Variants in DIS3L2 observed in about 807,000 individuals in gnomAD.
DIS3L2 encodes the protein DIS3-like exonuclease 2.
In DIS3L2, 34 loss-of-function variants were observed where a neutral mutation model predicts 97.5. That is an observed-to-expected ratio of 0.35 (90% CI 0.27 to 0.46). DIS3L2 has a LOEUF of 0.46. Ranked by LOEUF, DIS3L2 falls within the 20% of genes least tolerant of loss-of-function variation. The pLI is 1.00. For synonymous variants in DIS3L2, 435 were observed against 445.2 expected, an observed-to-expected ratio of 0.98 and a Z score of 0.29; for missense variants, 1,038 against 1,146.0, an observed-to-expected ratio of 0.91 and a Z score of 1.36.
chr2:232,280,230 G>T (rs1183138412), intron 13 of DIS3L2, among the ~76,000 whole-genome samples: 1 of 152,172 alleles, frequency 6.6e-6, no homozygotes, highest in Non-Finnish European at 1.5e-5. Flanking sequence ...TAGGAGCCTT[G>T]CCAGGCATGA....
chr2:232,001,642 A>G (rs552494455), intron 1 of DIS3L2, among the ~76,000 whole-genome samples: 31 of 131,560 alleles, frequency 2.4e-4, no homozygotes, highest in Non-Finnish European at 3.9e-4. Flanking sequence ...GATCAATGTC[A>G]TGGAACTTTA....
rs1223542778 is a variant in DIS3L2 at position 232,163,556 on chromosome 2, G to A, written c.1048G>A (p.Glu350Lys). ...YGVDFSDFSS[E>K]VLECLPQGLP... is the part of the protein sequence containing the mutation. ...CGTGGATTTCTCTGATTTCTCTTCA[G>A]AAGTTCTAGAATGTCTTCCTCAAGG... Residue 350 changes from glutamate (E) to lysine (K), a missense_variant, in exon 9 of 21, where the codon GAA (glutamate) becomes AAA (lysine). Glu to Lys is a moderately conservative substitution (Grantham distance 56). Coordinates refer to ENST00000325385, the MANE Select transcript of DIS3L2 (RefSeq NM_152383.5). The A allele has an allele frequency of 1.2e-6, 2 of 1,614,030 alleles. No individual in the cohort carries two copies. Among genetic ancestry groups the A allele is most frequent in the African/African-American group, 2.7e-5 (2 of 74,924 alleles).
intron 10 of DIS3L2, among the ~76,000 whole-genome samples, chr2:232,216,609 C>A (rs549547875): frequency 6.6e-6 from 1 of 152,106 alleles, no homozygotes; most frequent in African/African-American, 2.4e-5. Context: ...CACCACTCAT[C>A]ACTTGCTAAC....
chr2:232,095,182 T>C (rs1696970121), intron 6 of DIS3L2, among the ~76,000 whole-genome samples: 1 of 152,220 alleles, frequency 6.6e-6, no homozygotes, highest in South Asian at 2.1e-4. Flanking sequence ...AAGGACTTAC[T>C]CCTGCCATTT....
intron 8 of DIS3L2, among the ~76,000 whole-genome samples, chr2:232,163,036 A>T (rs1690698636): frequency 6.6e-6 from 1 of 152,210 alleles, no homozygotes; most frequent in Admixed American, 6.5e-5. Flanking sequence ...AATTTTAAAG[A>T]TTAAAAACTG....
intron 13 of DIS3L2, among the ~76,000 whole-genome samples, chr2:232,278,551 T>C (rs1274444427): frequency 6.6e-6 from 1 of 152,192 alleles, no homozygotes; most frequent in Non-Finnish European, 1.5e-5. Context: ...GTCACACAAA[T>C]GGAATCATTC....
At chr2:232,010,065 C>T (rs187904393) in intron 1 of DIS3L2, among the ~76,000 whole-genome samples, 1 of 152,286 alleles carries the variant, frequency 6.6e-6, no homozygotes, top group African/African-American at 2.4e-5. Flanking sequence ...ATAGGAGCCC[C>T]AGGCTAAAAC....
intron 14 of DIS3L2, among the ~76,000 whole-genome samples, chr2:232,314,283 T>C (rs1394199381): frequency 6.6e-6 from 1 of 152,104 alleles, no homozygotes; most frequent in African/African-American, 2.4e-5. Flanking sequence ...CTGCTCAGGT[T>C]GCAAGGTAGA....
chr2:232,175,165 G>T (rs1343819536), intron 9 of DIS3L2, among the ~76,000 whole-genome samples: 2 of 152,100 alleles, frequency 1.3e-5, no homozygotes, highest in African/African-American at 2.4e-5. Flanking sequence ...AGCTTTGGGG[G>T]TTTTGTAGAT....
chr2:232,238,774 T>G, intron 11 of DIS3L2, 129 bp downstream of exon 11: 2 of 775,314 alleles, frequency 2.6e-6, no homozygotes, highest in Non-Finnish European at 2.1e-6. Flanking sequence ...GGTGTTCATC[T>G]GAGGCCTCAT....
intron 6 of DIS3L2, among the ~76,000 whole-genome samples, chr2:232,112,051 A>G (rs1280819655): frequency 6.6e-6 from 1 of 152,220 alleles, no homozygotes; most frequent in African/African-American, 2.4e-5. Flanking sequence ...CATTTCAGCC[A>G]AGAGCAACTA....
chr2:232,336,144 C>T, intron 20 of DIS3L2: 1 of 1,535,320 alleles, frequency 6.5e-7, no homozygotes, highest in Non-Finnish European at 8.8e-7. Context: ...CTTCTAGGGT[C>T]CTTTAGAGAA....
At chr2:232,256,468 T>C (rs561098126) in intron 12 of DIS3L2, among the ~76,000 whole-genome samples, 6 of 152,382 alleles carry the variant, frequency 3.9e-5, no homozygotes, top group Non-Finnish European at 5.9e-5. Context: ...ATTCTGAGAA[T>C]TGGACATTGT....
At chr2:232,261,426 A>C (rs766381551) in intron 12 of DIS3L2, among the ~76,000 whole-genome samples, 1 of 152,102 alleles carries the variant, frequency 6.6e-6, no homozygotes, top group Non-Finnish European at 1.5e-5. Context: ...CACTGGTTGC[A>C]TTGCCTCCGC....
In DIS3L2 at chr2:232,143,533, T is replaced by C. The variant is rs140539520; in HGVS notation, c.950+6814T>C. Among the ~76,000 whole-genome samples, 477 of 152,266 alleles carry C rather than the reference T, an allele frequency of 3.1e-3. 3 individuals are homozygous for C. The highest frequency in any genetic ancestry group is 4.7e-3 in the Non-Finnish European group (318 of 67,996). On this transcript the variant is annotated intron_variant, in intron 8 of 20. Transcript: ENST00000325385. ...TTTATTTTTTCCAAATACATACATA[T>C]TGAATATTTACTGTTAAATTTATTC...
rs1273861008 is a variant in DIS3L2, at chr2:232,021,354, G to A, written c.211-2923G>A. ...TGGTGACAATGTGGTCACAGCTTTG[G>A]GCTGGAGATCTTAGTGAAATCGAAG... On this transcript the variant is annotated intron_variant, in intron 3 of 20. Transcript: ENST00000325385. Among the ~76,000 whole-genome samples, 3 of 152,168 alleles carry A rather than the reference G, an allele frequency of 2.0e-5. 1 individual carries two copies. Among genetic ancestry groups the A allele is most frequent in the African/African-American group, 7.2e-5 (3 of 41,440 alleles).
chr2:232,266,443 A>G (rs1462897054), intron 13 of DIS3L2, among the ~76,000 whole-genome samples: 2 of 152,174 alleles, frequency 1.3e-5, no homozygotes, highest in African/African-American at 4.8e-5. Context: ...TTTCCTTTTA[A>G]GTGGAAAGAA....
intron 1 of DIS3L2, among the ~76,000 whole-genome samples, chr2:231,993,471 C>T (rs1360544831): frequency 1.3e-5 from 2 of 152,132 alleles, no homozygotes. Flanking sequence ...GCCTCGGCCT[C>T]CCAAAGTGCT....
chr2:232,319,287 G>A (rs551141947), intron 14 of DIS3L2, among the ~76,000 whole-genome samples: 4 of 152,348 alleles, frequency 2.6e-5, no homozygotes, highest in Admixed American at 6.5e-5. Context: ...TGCATGCTAC[G>A]TATAAGCATG....
Sources: gnomAD v4.1 joint callset for allele counts (sites outside exome capture counted in the v4.1 genomes callset) on GRCh38, gnomAD v4.1.1 for gene constraint, MANE v1.5 for transcripts, NCBI Gene and HGNC (gene_info 2026-07-23, HGNC 2026-07-21) for gene names.